The following RAB33B variants were observed in gnomAD, a reference collection of about 807,000 sequenced individuals.
The protein encoded by RAB33B is RAB33B, member RAS oncogene family.
RAB33B carries 6 observed loss-of-function variants against 15.0 expected under a neutral mutation model. The ratio of observed to expected loss-of-function variants is 0.40; its 90% CI spans 0.22 to 0.79. The LOEUF is 0.79. Among genes scored for constraint, RAB33B ranks in the 30% least tolerant of loss-of-function variants. RAB33B has a pLI of 0.37. For synonymous variants in RAB33B, 117 were observed against 108.3 expected (o/e 1.08, Z -0.50); for missense variants, 257 against 296.4 (o/e 0.87, Z 0.98).
the RAB33B span, among the ~76,000 whole-genome samples, chr4:139,443,015 C>T: frequency 2.0e-5 from 3 of 148,336 alleles, no homozygotes; most frequent in African/African-American, 5.0e-5. Context: ...TTTTTTGAGA[C>T]GGAGTCTTGC....
At chr4:139,443,057 G>C in the RAB33B span, among the ~76,000 whole-genome samples, 1 of 151,536 alleles carries the variant, frequency 6.6e-6, no homozygotes, top group African/African-American at 2.4e-5. Context: ...CAGTGGCGCA[G>C]TCTTGGCTCA....
At chr4:139,464,396 T>G (rs377087209) in intron 1 of RAB33B, among the ~76,000 whole-genome samples, 28,167 of 145,484 alleles carry the variant, frequency 0.19, 3,320 homozygotes, top group Non-Finnish European at 0.25. Context: ...GTTTTTTTTT[T>G]TTTTTTTTTT....
the RAB33B span, among the ~76,000 whole-genome samples, chr4:139,439,148 C>T: frequency 5.3e-5 from 8 of 152,064 alleles, no homozygotes; most frequent in Non-Finnish European, 1.2e-4. Flanking sequence ...CTACAGGCAC[C>T]CACTACCACG....
intron 1 of RAB33B, among the ~76,000 whole-genome samples, chr4:139,469,851 G>A (rs971266073): frequency 6.6e-6 from 1 of 152,158 alleles, no homozygotes; most frequent in Non-Finnish European, 1.5e-5. Context: ...AACATACAGA[G>A]TCTCTCTTTG....
chr4:139,466,567 CTTTTCTTTTCTT>C, intron 1 of RAB33B, among the ~76,000 whole-genome samples: 1 of 151,458 alleles, frequency 6.6e-6, no homozygotes, highest in South Asian at 2.1e-4. Flanking sequence ...TTTCAAGGGT[CTTTTCTTTTCTT>C]TTTTCTTTTT....
chr4:139,465,251 G>A (rs1012097921), intron 1 of RAB33B, among the ~76,000 whole-genome samples: 5 of 152,128 alleles, frequency 3.3e-5, no homozygotes, highest in African/African-American at 1.2e-4. Flanking sequence ...ATTTTTTCTT[G>A]TAAATTTGTT....
Position 139,473,855 on chromosome 4 carries a change from A to ACAAAAATC in RAB33B, c.*730_*737dup, listed in dbSNP as rs1297434360. The ACAAAAATC allele has an allele frequency of 1.3e-5, 2 of 151,750 alleles. No individual in the cohort carries two copies. The highest frequency in any genetic ancestry group is 2.9e-5 in the Non-Finnish European group (2 of 67,966). 9.4% of individuals were successfully genotyped at this position (151,750 alleles called of 1,614,324 possible). A position where few individuals can be genotyped will look rare whatever the true frequency, so the allele number is the denominator to read the frequency against. ...TTTCTAATTAATACTTATCAGATCT[A>ACAAAAATC]CAAAAATCATTATTATTTTAAAAGA... On this transcript the variant is annotated 3_prime_UTR_variant, in exon 2 of 2. Transcript: ENST00000305626.
At chr4:139,467,568 C>A (rs1750313901) in intron 1 of RAB33B, among the ~76,000 whole-genome samples, 1 of 151,458 alleles carries the variant, frequency 6.6e-6, no homozygotes, top group South Asian at 2.1e-4. Context: ...GAGTTACAGA[C>A]AATTCAGGCC....
At chr4:139,449,771 A>ATG (rs1381538317), upstream of RAB33B, 1 of 151,984 alleles carries the variant, frequency 6.6e-6, no homozygotes, top group African/African-American at 2.4e-5. Context: ...ATATATATAT[A>ATG]TATATCTCCT....
At chr4:139,459,599 T>G (rs1181559959) in intron 1 of RAB33B, among the ~76,000 whole-genome samples, 1 of 152,058 alleles carries the variant, frequency 6.6e-6, no homozygotes, top group Non-Finnish European at 1.5e-5. Flanking sequence ...GTCTGGTAAT[T>G]CCATAGACTT....
chr4:139,467,373 CT>C (rs760811130), intron 1 of RAB33B, among the ~76,000 whole-genome samples: 2,289 of 36,430 alleles, frequency 0.063, 122 homozygotes, highest in African/African-American at 0.18. Context: ...TCAGACTGGT[CT>C]TTTTTTTTTT....
At chr4:139,459,949 A>ACTGCCACAGTTCAGTTCTTAAAC (rs1750141884) in intron 1 of RAB33B, among the ~76,000 whole-genome samples, 1 of 152,188 alleles carries the variant, frequency 6.6e-6, no homozygotes, top group Non-Finnish European at 1.5e-5. Context: ...TTCTTAAACC[A>ACTGCCACAGTTCAGTTCTTAAAC]CATAGTAAGT....
upstream of RAB33B, chr4:139,450,250 T>C (rs1312773378): frequency 1.3e-5 from 2 of 152,244 alleles, no homozygotes; most frequent in African/African-American, 2.4e-5. Flanking sequence ...TATACAAGGA[T>C]ACTAATTTAC....
the RAB33B span, among the ~76,000 whole-genome samples, chr4:139,438,441 C>G: frequency 3.3e-5 from 5 of 152,162 alleles, no homozygotes; most frequent in Admixed American, 6.6e-5. Flanking sequence ...TCAGTGACTT[C>G]CCCCGCCCCT....
chr4:139,462,983 T>C (rs1750202807), intron 1 of RAB33B, among the ~76,000 whole-genome samples: 1 of 152,052 alleles, frequency 6.6e-6, no homozygotes, highest in Non-Finnish European at 1.5e-5. Context: ...CTGGGTAACA[T>C]GGAGAAATCC....
chr4:139,449,684 T>C (rs1749884802), upstream of RAB33B: 1 of 152,174 alleles, frequency 6.6e-6, no homozygotes, highest in African/African-American at 2.4e-5. Context: ...ACTGCCTTCC[T>C]TTCTCCTCAG....
At chr4:139,470,110 G>T (rs989849458) in intron 1 of RAB33B, among the ~76,000 whole-genome samples, 1 of 152,222 alleles carries the variant, frequency 6.6e-6, no homozygotes, top group African/African-American at 2.4e-5. Context: ...GGCAAAGCCA[G>T]CCAGGCCTGT....
chr4:139,448,442 C>CT (rs376841972), upstream of RAB33B: 8 of 151,284 alleles, frequency 5.3e-5, no homozygotes, highest in African/African-American at 9.7e-5. Flanking sequence ...ATTTTATTTC[C>CT]TTTTTTTTTG....
chr4:139,447,879 G>T, the RAB33B span, among the ~76,000 whole-genome samples: 1 of 151,748 alleles, frequency 6.6e-6, no homozygotes, highest in Non-Finnish European at 1.5e-5. Flanking sequence ...TTTTTAGCTG[G>T]GATGGTCTCG....
Sources: allele counts gnomAD v4.1 joint callset (sites outside exome capture counted in the v4.1 genomes callset), GRCh38; gene constraint gnomAD v4.1.1; transcripts MANE v1.5; gene names NCBI Gene and HGNC (gene_info 2026-07-23, HGNC 2026-07-21).